EPB41L1: variants seen among roughly 807,000 people sequenced by gnomAD.
The protein encoded by EPB41L1 is band 4.1-like protein 1.
A neutral mutation model predicts 97.8 loss-of-function variants in EPB41L1; 29 were observed. That is an observed-to-expected ratio of 0.30 (90% CI 0.22 to 0.40). The LOEUF is 0.40. Among genes scored for constraint, EPB41L1 ranks in the 10% least tolerant of loss-of-function variants. The pLI is 1.00. For synonymous variants in EPB41L1, 383 were observed against 459.2 expected (o/e 0.83, Z 2.12); for missense variants, 812 against 1,162.3 (o/e 0.70, Z 4.38).
intron 1 of EPB41L1, among the ~76,000 whole-genome samples, chr20:36,094,504 G>A (rs2057767487): frequency 6.6e-6 from 1 of 152,154 alleles, no homozygotes; most frequent in East Asian, 1.9e-4. Flanking sequence ...ATATCCAAGT[G>A]CAAGAATTCT....
chr20:36,219,058 A>G (rs2063615476), intron 18 of EPB41L1, 96 bp downstream of exon 18: 2 of 1,315,606 alleles, frequency 1.5e-6, no homozygotes, highest in Admixed American at 1.9e-5. Flanking sequence ...CGTTGAGCCC[A>G]GAAGGCACCC....
At chr20:36,097,688 A>T in intron 1 of EPB41L1, among the ~76,000 whole-genome samples, 1 of 152,202 alleles carries the variant, frequency 6.6e-6, no homozygotes, top group Non-Finnish European at 1.5e-5. Flanking sequence ...TGGAGGACAG[A>T]GATGGTGTTT....
intron 3 of EPB41L1, 126 bp from the exon 4 acceptor site, chr20:36,177,826 T>A (rs1287856756): frequency 2.6e-6 from 2 of 773,580 alleles, no homozygotes; most frequent in Non-Finnish European, 4.5e-6. Flanking sequence ...GCAGGAGCGC[T>A]GCATTCCTGT....
intron 2 of EPB41L1, among the ~76,000 whole-genome samples, chr20:36,140,067 G>C (rs140606351): frequency 0.013 from 1,840 of 146,338 alleles, 34 homozygotes; most frequent in African/African-American, 0.045. Flanking sequence ...TTGTTTGTTT[G>C]TTTTTGAGAC....
At chr20:36,158,753 A>G (rs1263490632) in intron 1 of EPB41L1, among the ~76,000 whole-genome samples, 1 of 152,236 alleles carries the variant, frequency 6.6e-6, no homozygotes, top group South Asian at 2.1e-4. Flanking sequence ...CCTGTCTCAC[A>G]GGGACCATGT....
intron 1 of EPB41L1, chr20:36,112,389 C>G (rs1374156445): frequency 1.3e-5 from 2 of 152,238 alleles, no homozygotes; most frequent in African/African-American, 2.4e-5. Context: ...CTCATGAACT[C>G]CTGTTCTGAG....
chr20:36,175,892 G>T (rs2061206512), intron 3 of EPB41L1, among the ~76,000 whole-genome samples, 177 bp downstream of exon 3: 1 of 152,134 alleles, frequency 6.6e-6, no homozygotes, highest in African/African-American at 2.4e-5. Flanking sequence ...CCAAAGCCTG[G>T]AGAGAGTGGT....
intron 14 of EPB41L1, among the ~76,000 whole-genome samples, chr20:36,204,930 C>T (rs1187551380): frequency 3.3e-5 from 5 of 152,188 alleles, no homozygotes; most frequent in African/African-American, 4.8e-5. Flanking sequence ...CGTGAGCCAC[C>T]GCGCTTGGCC....
chr20:36,128,828 G>A (rs554053137), intron 2 of EPB41L1, among the ~76,000 whole-genome samples: 2 of 48 alleles, frequency 0.042, no homozygotes, highest in East Asian at 0.25. Context: ...GGGTCTAGAG[G>A]CAGCAGCCAG....
intron 14 of EPB41L1, among the ~76,000 whole-genome samples, chr20:36,208,743 G>A (rs759944927): frequency 2.0e-4 from 31 of 152,214 alleles, no homozygotes; most frequent in Non-Finnish European, 4.4e-4. Context: ...CAGTTGAGAG[G>A]TATGTATGTC....
In EPB41L1 at chr20:36,100,248, C is replaced by G. The variant is rs1601204453; in HGVS notation, c.-65+8636C>G. ...CCCACACTGGGGAAGCCAGGCCCCT[C>G]CTTGGCCCCTTGATTCTTCTTTCCT... On this transcript the variant is annotated intron_variant, in intron 1 of 19. Transcript: ENST00000202028. 2.0e-5 allele frequency among the ~76,000 whole-genome samples: 3 copies of G among 152,330 alleles called. No homozygotes were observed. The South Asian group carries it at 6.2e-4, about 32-fold the overall frequency.
intron 18 of EPB41L1, 116 bp downstream of exon 18, chr20:36,219,078 C>T: frequency 1.8e-6 from 2 of 1,119,908 alleles, no homozygotes; most frequent in Non-Finnish European, 2.6e-6. Flanking sequence ...CTTCTAGGTG[C>T]AAAGCCAGGA....
chr20:36,154,624 C>T (rs1382465600), upstream of EPB41L1: 1 of 944,270 alleles, frequency 1.1e-6, no homozygotes, highest in Non-Finnish European at 1.3e-6. This position sits in a 1 kb window ranked among gnomAD's most constrained non-coding sequence, Gnocchi z 5.5. Context: ...GGGCTGGGCT[C>T]CGAGGCCGGG....
At chr20:36,226,399 A>G (rs927533502) in intron 21 of EPB41L1, among the ~76,000 whole-genome samples, 1 of 152,224 alleles carries the variant, frequency 6.6e-6, no homozygotes, top group Admixed American at 6.5e-5. Context: ...CAGGCTGTGC[A>G]CTCAACACAA....
At position 36,195,346 on chromosome 20, in the gene EPB41L1, G is replaced by A. The variant is rs370965945; in HGVS notation, c.1467G>A (p.Thr489=). ...CCCACTAGCCGGAGCAGGAAACCAC[G>A]CCGAGACACAAGCAGGAGGTACTGC... ...IKELKPEQET[T]PRHKQEFLDK... is the part of the protein sequence containing the mutation. The change falls in exon 13 of 22, where the codon ACG becomes ACA. Residue 489 remains threonine (T), a synonymous_variant. Coordinates refer to ENST00000338074, the MANE Select transcript of EPB41L1 (RefSeq NM_012156.2). The surrounding 1 kb of genome is among the most constrained non-coding windows in gnomAD (Gnocchi z 4.6). The A allele has an allele frequency of 1.7e-5, 27 of 1,613,854 alleles. No individual in the cohort carries two copies. Among genetic ancestry groups the A allele is most frequent in the African/African-American group, 9.3e-5 (7 of 74,902 alleles).
At chr20:36,098,087 G>A (rs1408557691) in intron 1 of EPB41L1, among the ~76,000 whole-genome samples, 2 of 152,226 alleles carry the variant, frequency 1.3e-5, no homozygotes, top group East Asian at 3.8e-4. Context: ...CCCCACTGGG[G>A]TGGATAGATA....
Position 36,212,558 on chromosome 20 carries a change from G to A in EPB41L1, c.2184+182G>A, listed in dbSNP as rs1030765817. Among the ~76,000 whole-genome samples, 1 of 152,176 alleles carries A rather than the reference G, an allele frequency of 6.6e-6. No individual in the cohort carries two copies. Among genetic ancestry groups the A allele is most frequent in the Non-Finnish European group, 1.5e-5 (1 of 68,038 alleles). The stretch of plus-strand genomic sequence containing the variant: ...TCTCTGAGCTCTGGGGAGGGGCAAC[G>A]GGTAAAGCAGGTTCCTGTCCTGGGC... On this transcript the variant is annotated intron_variant, in intron 16 of 21. Coordinates refer to ENST00000338074, the MANE Select transcript of EPB41L1 (RefSeq NM_012156.2). The surrounding 1 kb of genome is among the most constrained non-coding windows in gnomAD (Gnocchi z 4.8).
rs2145587066 is a variant in EPB41L1 at position 36,158,155 on chromosome 20, C to G, written c.-15+3259C>G. On this transcript the variant is annotated intron_variant, in intron 1 of 21. Transcript: ENST00000338074. ...GCTAGGCTGTGGGGGAGTCAGGATT[C>G]AAACCTAGGCAGTGTGGGTCAGAGC... Among the ~76,000 whole-genome samples, 2 of 152,210 alleles carry G rather than the reference C, an allele frequency of 1.3e-5. 1 individual carries two copies. The highest frequency in any genetic ancestry group is 4.2e-4 in the South Asian group (2 of 4,812).
intron 14 of EPB41L1, among the ~76,000 whole-genome samples, chr20:36,203,669 G>A (rs2062623642): frequency 6.6e-6 from 1 of 152,212 alleles, no homozygotes; most frequent in Non-Finnish European, 1.5e-5. Context: ...GGCTCTCAAA[G>A]CACGTCCCTT....
Sources: gnomAD v4.1 joint callset for allele counts (sites outside exome capture counted in the v4.1 genomes callset) on GRCh38, gnomAD v4.1.1 for gene constraint, Gnocchi (gnomAD v3.1) non-coding constraint, MANE v1.5 for transcripts, NCBI Gene and HGNC (gene_info 2026-07-23, HGNC 2026-07-21) for gene names.